Variants in PDS5B observed in about 807,000 individuals in gnomAD.
The protein encoded by PDS5B is PDS5 cohesin associated factor B, also known as sister chromatid cohesion protein PDS5 homolog B.
In PDS5B, 51 loss-of-function variants were observed where a neutral mutation model predicts 184.1. The ratio of observed to expected loss-of-function variants is 0.28; its 90% CI spans 0.22 to 0.35. The LOEUF is 0.35. Among genes scored for constraint, PDS5B ranks in the 10% least tolerant of loss-of-function variants. The pLI is 1.00. For missense variants in PDS5B, 1,180 were observed against 1,723.3 expected, an observed-to-expected ratio of 0.68 and a Z score of 5.58; for synonymous variants, 566 against 569.2, an observed-to-expected ratio of 0.99 and a Z score of 0.08.
chr13:32,710,603 G>A (rs1952174321), intron 19 of PDS5B, among the ~76,000 whole-genome samples: 1 of 152,162 alleles, frequency 6.6e-6, no homozygotes, highest in African/African-American at 2.4e-5. Flanking sequence ...GTTATCCTGG[G>A]ATAATCATAG....
chr13:32,708,152 A>G (rs1188843236), intron 18 of PDS5B, among the ~76,000 whole-genome samples: 2 of 151,998 alleles, frequency 1.3e-5, no homozygotes, highest in East Asian at 1.9e-4. Flanking sequence ...CTGAGCTACA[A>G]CTCTCTGCAC....
intron 11 of PDS5B, 48 bp from the exon 12 acceptor site, chr13:32,687,086 T>TTTCCTTA (rs1951418663): frequency 6.9e-7 from 1 of 1,441,770 alleles, no homozygotes; most frequent in African/African-American, 1.5e-5. Context: ...CCTTAATTTA[T>TTTCCTTA]ATAATGGAAG....
intron 31 of PDS5B, among the ~76,000 whole-genome samples, chr13:32,766,106 A>G (rs1254212171): frequency 6.6e-6 from 1 of 152,178 alleles, no homozygotes; most frequent in Non-Finnish European, 1.5e-5. Flanking sequence ...TACTGCAGAA[A>G]TTCCTTTATT....
At chr13:32,736,570 A>G (rs989035494) in intron 21 of PDS5B, among the ~76,000 whole-genome samples, 2 of 152,014 alleles carry the variant, frequency 1.3e-5, no homozygotes, top group African/African-American at 4.8e-5. Flanking sequence ...CAGTTTTACT[A>G]TGATGTGTCT....
intron 1 of PDS5B, among the ~76,000 whole-genome samples, chr13:32,638,736 G>C (rs1454662121): frequency 6.6e-6 from 1 of 152,078 alleles, no homozygotes; most frequent in Non-Finnish European, 1.5e-5. Flanking sequence ...TTGAGTAGAG[G>C]ATGGGATTTT....
intron 30 of PDS5B, among the ~76,000 whole-genome samples, chr13:32,761,063 G>A (rs1954378147): frequency 6.6e-6 from 1 of 152,200 alleles, no homozygotes; most frequent in Non-Finnish European, 1.5e-5. Context: ...GTCTGAGTTA[G>A]TATGGAAGAG....
intron 19 of PDS5B, among the ~76,000 whole-genome samples, chr13:32,728,323 C>T (rs1302653979): frequency 6.6e-6 from 1 of 151,720 alleles, no homozygotes; most frequent in African/African-American, 2.4e-5. Context: ...AATTTTTGTC[C>T]AGGTTGTATA....
intron 6 of PDS5B, among the ~76,000 whole-genome samples, chr13:32,659,971 TAAAG>T (rs1165389264): frequency 1.3e-5 from 2 of 152,166 alleles, no homozygotes; most frequent in South Asian, 2.1e-4. Context: ...TCCAAACTCT[TAAAG>T]AAAACAGTCT....
At chr13:32,594,857 A>G (rs1302749336) in intron 1 of PDS5B, among the ~76,000 whole-genome samples, 35 of 152,060 alleles carry the variant, frequency 2.3e-4, no homozygotes, top group Admixed American at 2.2e-3. Context: ...GGATACCAAT[A>G]TATGGTCTTA....
At chr13:32,664,487 G>A (rs1593371221) in intron 6 of PDS5B, among the ~76,000 whole-genome samples, 2 of 152,272 alleles carry the variant, frequency 1.3e-5, no homozygotes, top group East Asian at 3.9e-4. Context: ...TACATATGTT[G>A]AGAGATTTAC....
In PDS5B at chr13:32,682,344, G is replaced by T. The variant is rs1236356455; in HGVS notation, c.1058-1534G>T. ...GTTTCTATTTCTGTAGGTTAGTTTT[G>T]CCTGTTTCTGAATTTCATATATGTT... On this transcript the variant is annotated intron_variant, in intron 10 of 34. Coordinates refer to ENST00000315596, the MANE Select transcript of PDS5B (RefSeq NM_015032.4). Among the ~76,000 whole-genome samples the T allele has an allele frequency of 2.0e-5, 3 of 152,128 alleles. No homozygotes were observed. The Middle Eastern group carries it at 0.01, about 517-fold the overall frequency.
intron 30 of PDS5B, among the ~76,000 whole-genome samples, chr13:32,763,255 C>G (rs906581775): frequency 6.6e-6 from 1 of 151,928 alleles, no homozygotes; most frequent in African/African-American, 2.4e-5. Context: ...GAAAGATTTG[C>G]CAGGGAGTCT....
chr13:32,639,662 G>C (rs1421672129), intron 1 of PDS5B, among the ~76,000 whole-genome samples: 1 of 152,156 alleles, frequency 6.6e-6, no homozygotes, highest in African/African-American at 2.4e-5. Context: ...TTCTTACACT[G>C]TTTAATTATT....
At chr13:32,589,943 A>G (rs949022101) in intron 1 of PDS5B, among the ~76,000 whole-genome samples, 1 of 152,208 alleles carries the variant, frequency 6.6e-6, no homozygotes, top group East Asian at 1.9e-4. Flanking sequence ...TTTCTCATTA[A>G]TTAGTTCAGA....
At chr13:32,653,981 T>C (rs1593344855) in intron 3 of PDS5B, among the ~76,000 whole-genome samples, 1 of 152,354 alleles carries the variant, frequency 6.6e-6, no homozygotes, top group East Asian at 1.9e-4. Context: ...AAAGAATAGC[T>C]ACATATCTGT....
At chr13:32,663,053 C>T (rs1194461504) in intron 6 of PDS5B, among the ~76,000 whole-genome samples, 2 of 152,062 alleles carry the variant, frequency 1.3e-5, no homozygotes, top group African/African-American at 2.4e-5. Flanking sequence ...ATAACCAATA[C>T]ATTTAGTTGG....
At chr13:32,668,247 A>T (rs1229862572) in intron 7 of PDS5B, among the ~76,000 whole-genome samples, 1 of 152,226 alleles carries the variant, frequency 6.6e-6, no homozygotes, top group Non-Finnish European at 1.5e-5. Flanking sequence ...ATGAACTAAT[A>T]TTAAGACCTA....
Position 32,770,103 on chromosome 13 carries a change from ATT to A in PDS5B, c.3625-9_3625-8del, listed in dbSNP as rs112309957. ...CACAATTTCATAACCATAAATTGTG[ATT>A]TTTTTTTTCCCCTAGTCTGAATTGG... On this transcript the variant is annotated splice_polypyrimidine_tract_variant and intron_variant, in intron 31 of 34. Transcript: ENST00000315596. The A allele has an allele frequency of 7.9e-6, 12 of 1,523,770 alleles. No homozygotes were observed. In the Admixed American group the frequency reaches 8.8e-5, roughly 11 times the overall value. The allele number at this position is 1,523,770 out of a possible 1,614,324, so 94.4% of individuals were successfully genotyped here. A position where few individuals can be genotyped will look rare whatever the true frequency, so the allele number is the denominator to read the frequency against.
rs191256590 is a variant in PDS5B, at chr13:32,708,003, C to G, written c.1962+964C>G. Reference sequence around the variant, plus strand: ...CAGTTTACCATTGCTATGGCAATACCCCGGAGTTACTGTCCCTTTCCTTGG... The same window carrying G: ...CAGTTTACCATTGCTATGGCAATACGCCGGAGTTACTGTCCCTTTCCTTGG... On this transcript the variant is annotated intron_variant, in intron 18 of 34. Transcript: ENST00000315596. 1.1e-3 allele frequency among the ~76,000 whole-genome samples: 166 copies of G among 152,082 alleles called. No homozygotes were observed. In the Middle Eastern group the frequency reaches 0.031, roughly 28 times the overall value.
Sources: allele counts gnomAD v4.1 joint callset (sites outside exome capture counted in the v4.1 genomes callset), GRCh38; gene constraint gnomAD v4.1.1; transcripts MANE v1.5; gene names NCBI Gene and HGNC (gene_info 2026-07-23, HGNC 2026-07-21).